Variants in PUS1 observed in about 807,000 individuals in gnomAD.
PUS1 encodes the protein pseudouridylate synthase 1 homolog.
Under a neutral mutation model 38.5 loss-of-function variants are expected in PUS1, and 25 were observed. That is an observed-to-expected ratio of 0.65 (90% CI 0.47 to 0.91). The LOEUF (loss-of-function observed/expected upper bound fraction) is 0.91, where lower values mean the gene tolerates loss of function less well. PUS1 is among the 40% of genes least tolerant of loss of function. PUS1 has a pLI of 0.00. For synonymous variants in PUS1, 282 were observed against 260.4 expected, an observed-to-expected ratio of 1.08 and a Z score of -0.80; for missense variants, 597 against 612.3, an observed-to-expected ratio of 0.97 and a Z score of 0.26.
chr12:131,935,627 G>A (rs1039471630), intron 3 of PUS1, among the ~76,000 whole-genome samples: 1 of 152,106 alleles, frequency 6.6e-6, no homozygotes, highest in Non-Finnish European at 1.5e-5. Context: ...CTCACCTCCT[G>A]GGTTCGAGCC....
chr12:131,939,115 A>G (rs1232366847), intron 3 of PUS1, 58 bp from the exon 4 acceptor site: 1 of 1,068,096 alleles, frequency 9.4e-7, no homozygotes, highest in Non-Finnish European at 1.4e-6. Flanking sequence ...TTTCTCAGAG[A>G]CCAGCGTGCG....
intron 4 of PUS1, among the ~76,000 whole-genome samples, chr12:131,940,241 G>A (rs1452186945): frequency 2.0e-5 from 3 of 152,102 alleles, no homozygotes; most frequent in African/African-American, 7.2e-5. Context: ...ATGTCGCCCA[G>A]GCTGGTCTCA....
chr12:131,942,076 C>T (rs1157771572), intron 5 of PUS1, 93 bp downstream of exon 5: 3 of 1,177,574 alleles, frequency 2.5e-6, no homozygotes, highest in African/African-American at 3.0e-5. Context: ...AGAAGTGTGT[C>T]ACTTCCCCGC....
intron 3 of PUS1, among the ~76,000 whole-genome samples, chr12:131,933,184 T>C (rs976465345): frequency 6.7e-6 from 1 of 148,878 alleles, no homozygotes; most frequent in Non-Finnish European, 1.5e-5. Context: ...CACTCCACCA[T>C]GCCTGGCTAA....
At position 131,943,599 on chromosome 12, in the gene PUS1, T is replaced by C. The variant is rs762781249; in HGVS notation, c.*13T>C. 12 of 1,611,714 alleles carry C rather than the reference T, an allele frequency of 7.4e-6. No individual in the cohort carries two copies. In the South Asian group the frequency reaches 1.1e-4, roughly 15 times the overall value. On this transcript the variant is annotated 3_prime_UTR_variant, in exon 6 of 6. Coordinates refer to ENST00000376649, the MANE Select transcript of PUS1 (RefSeq NM_025215.6). ...AGACACTGACTGAGGCGATGGGAGC[T>C]GCCCACCAGAGTGCCTCTGAGCAGC...
At position 131,941,583 on chromosome 12, in the gene PUS1, TTG is replaced by T. The variant is rs1207533798; in HGVS notation, c.837_838del (p.Ala280GlyfsTer31). On this transcript the variant is annotated frameshift_variant, in exon 5 of 6. Coordinates refer to ENST00000376649, the MANE Select transcript of PUS1 (RefSeq NM_025215.6). LOFTEE classifies it high-confidence loss of function. The surrounding 1 kb of genome is among the most constrained non-coding windows in gnomAD (Gnocchi z 4.4). ...CCCTTTGTGCGGGAGGGCCTGGAGT[TTG>T]CGGTGATCAGGGTGAAGGGCCAGAG... The T allele has an allele frequency of 6.2e-7, 1 of 1,614,050 alleles. No individual in the cohort carries two copies. Among genetic ancestry groups the T allele is most frequent in the Non-Finnish European group, 8.5e-7 (1 of 1,180,022 alleles).
At chr12:131,938,044 T>C (rs1356036170) in intron 3 of PUS1, among the ~76,000 whole-genome samples, 1 of 152,194 alleles carries the variant, frequency 6.6e-6, no homozygotes, top group East Asian at 1.9e-4. Context: ...TTTCTTCAGC[T>C]TCTTTGATGT....
intron 3 of PUS1, among the ~76,000 whole-genome samples, chr12:131,937,499 C>T (rs374438691): frequency 3.3e-5 from 5 of 152,138 alleles, no homozygotes; most frequent in African/African-American, 7.2e-5. Context: ...CTCAGCCTCC[C>T]GAGTAGCTGG....
intron 3 of PUS1, among the ~76,000 whole-genome samples, chr12:131,935,621 C>T (rs942474585): frequency 2.0e-5 from 3 of 152,134 alleles, no homozygotes; most frequent in Non-Finnish European, 1.5e-5. Flanking sequence ...CGCAACCTCA[C>T]CTCCTGGGTT....
At position 131,929,999 on chromosome 12, in the gene PUS1, A is replaced by G; in HGVS notation, c.167A>G (p.Asp56Gly). ...RRSCSGRAGG[D>G]RVWEDGEHPA... Reference sequence around the variant, plus strand: ...TCCTGCAGCGGCCGGGCCGGGGGCGACCGCGTCTGGGAGGACGGAGAACAT... The same window carrying G: ...TCCTGCAGCGGCCGGGCCGGGGGCGGCCGCGTCTGGGAGGACGGAGAACAT... The change falls in exon 2 of 6, where the codon GAC (aspartate) becomes GGC (glycine). Residue 56 changes from aspartate (D) to glycine (G), a missense_variant. Physicochemically the swap from Asp to Gly is moderately conservative, Grantham distance 94. Coordinates refer to ENST00000376649, the MANE Select transcript of PUS1 (RefSeq NM_025215.6). 2.0e-6 allele frequency: 3 copies of G among 1,484,074 alleles called. No homozygotes were observed. Among genetic ancestry groups the G allele is most frequent in the South Asian group, 2.7e-5 (2 of 73,384 alleles). The allele number at this position is 1,484,074 out of a possible 1,614,324, so 91.9% of individuals were successfully genotyped here.
Position 131,932,189 on chromosome 12 carries a change from C to T in PUS1, c.318C>T (p.Ser106=), listed in dbSNP as rs1487253083. ...GYHGMQRNVG[S]SQFKTIEDDL... ...CCTTTTTCCAGAGGAATGTCGGGTC[C>T]TCACAATTCAAAACAATTGAAGATG... Residue 106 remains serine (S), a synonymous_variant, in exon 3 of 6, where the codon TCC becomes TCT. Coordinates refer to ENST00000376649, the MANE Select transcript of PUS1 (RefSeq NM_025215.6). The T allele has an allele frequency of 6.2e-7, 1 of 1,614,108 alleles. No homozygotes were observed. The highest frequency in any genetic ancestry group is 8.5e-7 in the Non-Finnish European group (1 of 1,179,978).
chr12:131,938,280 C>CA (rs1890916756), intron 3 of PUS1, among the ~76,000 whole-genome samples: 2 of 151,722 alleles, frequency 1.3e-5, no homozygotes, highest in Admixed American at 6.6e-5. Flanking sequence ...CCTGTCTCTA[C>CA]AAAAAAAATT....
chr12:131,930,666 G>T (rs1363698336), intron 2 of PUS1, among the ~76,000 whole-genome samples: 1 of 152,060 alleles, frequency 6.6e-6, no homozygotes, highest in African/African-American at 2.4e-5. Context: ...TTGTGGTCCA[G>T]GCTGGAATGC....
At chr12:131,943,452 G>A in intron 5 of PUS1, 87 bp from the exon 6 acceptor site, 1 of 1,112,784 alleles carries the variant, frequency 9.0e-7, no homozygotes, top group Non-Finnish European at 1.4e-6. Context: ...AGGCTCCTGT[G>A]CCAAGCCTGT....
At chr12:131,938,309 G>A (rs771495958) in intron 3 of PUS1, among the ~76,000 whole-genome samples, 9 of 152,192 alleles carry the variant, frequency 5.9e-5, no homozygotes, top group Non-Finnish European at 1.2e-4. Flanking sequence ...GCCAGGCATC[G>A]TGGTGCCTGT....
chr12:131,929,966 AC>A lies in PUS1; in HGVS notation c.136del (p.Arg46GlyfsTer89). 1 of 1,517,014 alleles carries A rather than the reference AC, an allele frequency of 6.6e-7. No homozygotes were observed. Among genetic ancestry groups the A allele is most frequent in the Non-Finnish European group, 8.7e-7 (1 of 1,143,032 alleles). 94.0% of individuals were successfully genotyped at this position (1,517,014 alleles called of 1,614,324 possible). A position where few individuals can be genotyped will look rare whatever the true frequency, so the allele number is the denominator to read the frequency against. On this transcript the variant is annotated frameshift_variant, in exon 2 of 6. Transcript: ENST00000376649. LOFTEE classifies it high-confidence loss of function. ...CCCGCCGGAGCCGCATGCCCCCAGG[AC>A]CGGAGGTCCTGCAGCGGCCGGGCCG... ...PPPAGAACPQ[D>X]RRSCSGRAGG...
chr12:131,932,225 C>G lies in PUS1; in HGVS notation c.354C>G (p.Ser118=). The change falls in exon 3 of 6, where the codon TCC becomes TCG. Residue 118 remains serine (S), a synonymous_variant. Transcript: ENST00000376649. Reference sequence around the variant, plus strand: ...AAACAATTGAAGATGACTTGGTGTCCGCCCTCGTCCGGTCAGGCTGTATTC... The same window carrying G: ...AAACAATTGAAGATGACTTGGTGTCGGCCCTCGTCCGGTCAGGCTGTATTC... ...QFKTIEDDLV[S]ALVRSGCIPE... is the part of the protein sequence containing the mutation. 3.7e-6 allele frequency: 6 copies of G among 1,613,966 alleles called. No homozygotes were observed. The highest frequency in any genetic ancestry group is 4.2e-6 in the Non-Finnish European group (5 of 1,179,850).
chr12:131,942,715 T>C (rs897261567), intron 5 of PUS1, among the ~76,000 whole-genome samples: 3 of 152,212 alleles, frequency 2.0e-5, no homozygotes, highest in African/African-American at 4.8e-5. Flanking sequence ...CAGCCTGAGT[T>C]CTTTCATGGT....
rs1200684742 is a variant in PUS1 at position 131,929,925 on chromosome 12, G to T, written c.93G>T (p.Gly31=). ...PRPSCSPRMA[G]NAEPPPAGAA... ...TCCGCAGCTCGCCGCGCATGGCCGG[G>T]AACGCGGAGCCGCCGCCCGCCGGAG... The change falls in exon 2 of 6, where the codon GGG becomes GGT. Residue 31 remains glycine (G), a synonymous_variant. Transcript: ENST00000376649. 3 of 1,478,266 alleles carry T rather than the reference G, an allele frequency of 2.0e-6. No individual in the cohort carries two copies. The highest frequency in any genetic ancestry group is 2.7e-6 in the Non-Finnish European group (3 of 1,121,380). The allele number at this position is 1,478,266 out of a possible 1,614,324, so 91.6% of individuals were successfully genotyped here.
Sources: allele counts gnomAD v4.1 joint callset (sites outside exome capture counted in the v4.1 genomes callset), GRCh38; gene constraint gnomAD v4.1.1; non-coding constraint Gnocchi (gnomAD v3.1); transcripts MANE v1.5; gene names NCBI Gene and HGNC (gene_info 2026-07-23, HGNC 2026-07-21).